KHDRBS2: variants seen among roughly 807,000 people sequenced by gnomAD.
KHDRBS2 encodes the protein KH RNA binding domain containing, signal transduction associated 2.
Under a neutral mutation model 44.3 loss-of-function variants are expected in KHDRBS2, and 26 were observed. That is an observed-to-expected ratio of 0.59 (90% CI 0.43 to 0.81). The LOEUF (loss-of-function observed/expected upper bound fraction) is 0.81. KHDRBS2 is among the 40% of genes least tolerant of loss of function. The pLI is 0.00. For missense variants in KHDRBS2, 476 were observed against 433.1 expected (o/e 1.10, Z -0.88); for synonymous variants, 194 against 151.1 (o/e 1.28, Z -2.08).
intron 2 of KHDRBS2, among the ~76,000 whole-genome samples, chr6:62,117,569 GTTGA>G (rs1806573609): frequency 6.6e-6 from 1 of 151,976 alleles, no homozygotes; most frequent in Non-Finnish European, 1.5e-5. Context: ...TCTTCATTCT[GTTGA>G]TTGTTTCCTT....
chr6:62,090,853 C>G (rs9346058), intron 2 of KHDRBS2, among the ~76,000 whole-genome samples: 67,658 of 151,886 alleles, frequency 0.45, 16,876 homozygotes, highest in Non-Finnish European at 0.55. Flanking sequence ...TCATTATATT[C>G]CTGAGGTATA....
intron 1 of KHDRBS2, among the ~76,000 whole-genome samples, chr6:62,183,237 T>A (rs181350271): frequency 1.3e-3 from 205 of 151,884 alleles, no homozygotes; most frequent in Non-Finnish European, 2.3e-3. Flanking sequence ...ATGACATAAT[T>A]ACACATGCAC....
chr6:62,098,208 T>C (rs374991073), intron 2 of KHDRBS2, among the ~76,000 whole-genome samples: 1 of 151,694 alleles, frequency 6.6e-6, no homozygotes, highest in Non-Finnish European at 1.5e-5. Flanking sequence ...TTTGTTCATA[T>C]ACTTACTCTT....
chr6:62,184,451 G>A (rs1262584038), intron 1 of KHDRBS2, among the ~76,000 whole-genome samples: 1 of 151,514 alleles, frequency 6.6e-6, no homozygotes, highest in South Asian at 2.1e-4. Context: ...TCCAAATAAA[G>A]AAACGGGAGT....
chr6:61,931,759 A>C (rs948700882), intron 4 of KHDRBS2, among the ~76,000 whole-genome samples: 2 of 151,948 alleles, frequency 1.3e-5, no homozygotes, highest in Non-Finnish European at 2.9e-5. Flanking sequence ...TTTTTTTTTA[A>C]AGAAAAGTTG....
At chr6:61,957,518 G>C (rs1483314439) in intron 4 of KHDRBS2, among the ~76,000 whole-genome samples, 2 of 152,090 alleles carry the variant, frequency 1.3e-5, no homozygotes, top group Admixed American at 6.6e-5. Flanking sequence ...GGGGGTGGCT[G>C]TCTTTTACGG....
chr6:62,148,688 C>T (rs1160903250), intron 2 of KHDRBS2, among the ~76,000 whole-genome samples: 1 of 151,994 alleles, frequency 6.6e-6, no homozygotes, highest in Non-Finnish European at 1.5e-5. Flanking sequence ...CCGAGGGCCT[C>T]AAGAACTTTA....
chr6:61,835,385 T>C (rs1207759997), intron 6 of KHDRBS2, among the ~76,000 whole-genome samples: 1 of 152,000 alleles, frequency 6.6e-6, no homozygotes, highest in Non-Finnish European at 1.5e-5. Flanking sequence ...TACTAATCAG[T>C]TGTGTTGTGT....
intron 4 of KHDRBS2, among the ~76,000 whole-genome samples, chr6:61,955,835 T>A (rs1182158329): frequency 6.6e-6 from 1 of 152,094 alleles, no homozygotes; most frequent in East Asian, 1.9e-4. Context: ...AAAGATCCTA[T>A]GAGGTCAGCA....
chr6:62,285,851 G>C lies in KHDRBS2; in HGVS notation c.91+7C>G. 6.2e-7 allele frequency: 1 copy of C among 1,609,128 alleles called. No individual in the cohort carries two copies. Among genetic ancestry groups the C allele is most frequent in the Non-Finnish European group, 8.5e-7 (1 of 1,176,554 alleles). ...GGTTTGTGCCCATCTGTGGGGGCAA[G>C]TCCTACCTTCTGCCAAAAGGCGCGA... is the stretch of plus-strand genomic sequence containing the variant. On this transcript the variant is annotated splice_region_variant and intron_variant, in intron 1 of 8. Transcript: ENST00000281156.
At chr6:61,895,629 T>G (rs1802801780) in intron 5 of KHDRBS2, among the ~76,000 whole-genome samples, 1 of 152,218 alleles carries the variant, frequency 6.6e-6, no homozygotes, top group South Asian at 2.1e-4. Context: ...TTGTGGCCAA[T>G]TTTTATGGCA....
intron 4 of KHDRBS2, among the ~76,000 whole-genome samples, chr6:61,953,899 G>C (rs998048498): frequency 5.9e-5 from 9 of 152,126 alleles, no homozygotes; most frequent in African/African-American, 2.2e-4. Flanking sequence ...TTTGCAGCTA[G>C]CAGAGAGAAG....
At chr6:62,131,621 G>A (rs902855672) in intron 2 of KHDRBS2, among the ~76,000 whole-genome samples, 17 of 152,172 alleles carry the variant, frequency 1.1e-4, no homozygotes, top group African/African-American at 4.1e-4. Flanking sequence ...CAGGGAAATA[G>A]ATATCCTCCC....
At chr6:62,051,898 C>A (rs993398526) in intron 2 of KHDRBS2, among the ~76,000 whole-genome samples, 1 of 151,870 alleles carries the variant, frequency 6.6e-6, no homozygotes. Flanking sequence ...CATTAATCAT[C>A]AAGAAAATGC....
chr6:61,880,278 T>C (rs987595924), intron 6 of KHDRBS2, among the ~76,000 whole-genome samples: 2 of 151,822 alleles, frequency 1.3e-5, no homozygotes, highest in Non-Finnish European at 2.9e-5. Flanking sequence ...TAAAAACTTA[T>C]AATAGAAAAA....
chr6:61,580,497 T>G, the KHDRBS2 span, among the ~76,000 whole-genome samples: 1 of 152,124 alleles, frequency 6.6e-6, no homozygotes, highest in Non-Finnish European at 1.5e-5. Flanking sequence ...CTTTCACTCT[T>G]CACAATAAAT....
At chr6:61,565,727 C>A in the KHDRBS2 span, among the ~76,000 whole-genome samples, 1 of 151,962 alleles carries the variant, frequency 6.6e-6, no homozygotes, top group Non-Finnish European at 1.5e-5. Flanking sequence ...ATGTGGGAGA[C>A]TATTGTATAA....
At chr6:61,814,010 T>C (rs1457446497) in intron 6 of KHDRBS2, 1 of 455,994 alleles carries the variant, frequency 2.2e-6, no homozygotes, top group Admixed American at 2.3e-5. Context: ...GGGTTAAGTC[T>C]GGTTGAACTC....
chr6:61,592,899 C>T, the KHDRBS2 span, among the ~76,000 whole-genome samples: 1 of 152,138 alleles, frequency 6.6e-6, no homozygotes, highest in African/African-American at 2.4e-5. Flanking sequence ...AGTTGAGTCT[C>T]ATTCCAAGAG....
Sources: allele counts gnomAD v4.1 joint callset (sites outside exome capture counted in the v4.1 genomes callset), GRCh38; gene constraint gnomAD v4.1.1; transcripts MANE v1.5; gene names NCBI Gene and HGNC (gene_info 2026-07-23, HGNC 2026-07-21).